Variants in VDR observed in about 807,000 individuals in gnomAD.
VDR encodes vitamin D3 receptor.
In VDR, 19 loss-of-function variants were observed where a neutral mutation model predicts 39.7. The observed-to-expected ratio is 0.48, with a 90% CI of 0.33 to 0.70. VDR has a LOEUF of 0.70. Ranked by LOEUF, VDR falls within the 30% of genes least tolerant of loss-of-function variation. The pLI is 0.02. For missense variants in VDR, 442 were observed against 570.5 expected, an observed-to-expected ratio of 0.77 and a Z score of 2.29; for synonymous variants, 242 against 215.8, an observed-to-expected ratio of 1.12 and a Z score of -1.07.
chr12:47,855,592 T>G (rs373961560), intron 7 of VDR, 38 bp downstream of exon 7: 24 of 1,612,260 alleles, frequency 1.5e-5, no homozygotes, highest in East Asian at 1.1e-4. Flanking sequence ...AGTCTAGGAC[T>G]CTGACTCTGT....
intron 3 of VDR, among the ~76,000 whole-genome samples, chr12:47,869,015 C>T (rs892172369): frequency 5.3e-5 from 8 of 152,234 alleles, no homozygotes; most frequent in South Asian, 4.1e-4. Flanking sequence ...TATCAGAGGC[C>T]CCGTCTGTCC....
intron 4 of VDR, among the ~76,000 whole-genome samples, chr12:47,862,708 T>C (rs1464300052): frequency 6.6e-6 from 1 of 152,200 alleles, no homozygotes; most frequent in Non-Finnish European, 1.5e-5. Context: ...AGACACTCAA[T>C]TGTCTCTGGG....
chr12:47,866,146 C>T (rs574790733), intron 3 of VDR, among the ~76,000 whole-genome samples: 25 of 151,138 alleles, frequency 1.7e-4, no homozygotes, highest in Non-Finnish European at 1.2e-4. Context: ...CTCGCTCTGT[C>T]GCCCAGGCTG....
At chr12:47,867,053 C>A (rs1420300693) in intron 3 of VDR, among the ~76,000 whole-genome samples, 1 of 151,514 alleles carries the variant, frequency 6.6e-6, no homozygotes, top group African/African-American at 2.4e-5. Flanking sequence ...GTGTTCTTAG[C>A]TAGAAAGGTG....
At chr12:47,879,137 C>T in intron 2 of VDR, 22 bp from the exon 3 acceptor site, 1 of 1,611,854 alleles carries the variant, frequency 6.2e-7, no homozygotes, top group Non-Finnish European at 8.5e-7. Context: ...GCAAGCAGGC[C>T]ACGGTCAGAG....
At chr12:47,857,092 G>C in intron 6 of VDR, 37 bp downstream of exon 6, 1 of 1,612,876 alleles carries the variant, frequency 6.2e-7, no homozygotes, top group East Asian at 2.2e-5. Flanking sequence ...CCTCGCCCCC[G>C]CTCCCTTACT....
intron 4 of VDR, among the ~76,000 whole-genome samples, chr12:47,862,033 C>T (rs1282435007): frequency 3.9e-5 from 6 of 152,186 alleles, no homozygotes; most frequent in Non-Finnish European, 8.8e-5. Flanking sequence ...ATTGATTCCA[C>T]ACATTTATTG....
Position 47,864,921 on chromosome 12 carries a change from C to T in VDR, c.277+126G>A, listed in dbSNP as rs796175943. 1.2e-5 allele frequency: 18 copies of T among 1,524,084 alleles called. No homozygotes were observed. In the African/African-American group the frequency reaches 1.6e-4, roughly 14 times the overall value. 94.4% of individuals were successfully genotyped at this position (1,524,084 alleles called of 1,614,324 possible). A position where few individuals can be genotyped will look rare whatever the true frequency, so the allele number is the denominator to read the frequency against. ...GCTGCTGGTCCCACTGAGGCCCTGG[C>T]CCCAGATGCTGGCAGCTACAGAGGA... is the stretch of plus-strand genomic sequence containing the variant. On this transcript the variant is annotated intron_variant, in intron 4 of 9. Transcript: ENST00000549336.
intron 7 of VDR, among the ~76,000 whole-genome samples, chr12:47,851,717 G>C (rs970694872): frequency 3.3e-5 from 5 of 152,360 alleles, no homozygotes; most frequent in Non-Finnish European, 1.5e-5. Context: ...CAGTCACAGA[G>C]AGCGTCCATA....
At chr12:47,855,864 C>T (rs1228371241) in intron 6 of VDR, 63 bp from the exon 7 acceptor site, 1 of 1,603,614 alleles carries the variant, frequency 6.2e-7, no homozygotes, top group Non-Finnish European at 8.5e-7. Flanking sequence ...CCCCTCCTGC[C>T]AGACCCTGCA....
chr12:47,878,985 G>A lies in VDR; in HGVS notation c.129C>T (p.Gly43=), dbSNP rs770982488. The change falls in exon 3 of 10, where the codon GGC becomes GGT. Residue 43 remains glycine (G), a synonymous_variant. Coordinates refer to ENST00000549336, the MANE Select transcript of VDR (RefSeq NM_000376.3). ...GFHFNAMTCE[G]CKGFFRRSMK... is the part of the protein sequence containing the mutation. ...GGGCTCACCTGAAGAAGCCTTTGCAGCCTTCACAGGTCATAGCATTGAAGT... is the reference window on the plus strand; with the variant it reads ...GGGCTCACCTGAAGAAGCCTTTGCAACCTTCACAGGTCATAGCATTGAAGT... 5 of 1,614,230 alleles carry A rather than the reference G, an allele frequency of 3.1e-6. No homozygotes were observed. Among genetic ancestry groups the A allele is most frequent in the South Asian group, 2.2e-5 (2 of 91,090 alleles).
chr12:47,900,251 C>G (rs1213306484), intron 1 of VDR, among the ~76,000 whole-genome samples: 3 of 152,174 alleles, frequency 2.0e-5, no homozygotes, highest in Non-Finnish European at 4.4e-5. Flanking sequence ...AGGCCACTGT[C>G]CCCAGAGTAA....
chr12:47,887,773 C>T (rs1170165084), intron 1 of VDR, among the ~76,000 whole-genome samples: 2 of 152,224 alleles, frequency 1.3e-5, no homozygotes, highest in Non-Finnish European at 2.9e-5. Flanking sequence ...GCCCCAGCAA[C>T]GCAGCTCTAA....
intron 7 of VDR, among the ~76,000 whole-genome samples, chr12:47,851,452 C>A (rs7971418): frequency 0.53 from 79,991 of 151,834 alleles, 21,265 homozygotes; most frequent in South Asian, 0.57. Context: ...TCTCATGCCC[C>A]CACTGGAGAC....
At chr12:47,889,891 T>G (rs1946333358) in intron 1 of VDR, among the ~76,000 whole-genome samples, 1 of 152,148 alleles carries the variant, frequency 6.6e-6, no homozygotes, top group Non-Finnish European at 1.5e-5. Flanking sequence ...CAGCTTCCAG[T>G]GTGCCTGTGT....
intron 4 of VDR, among the ~76,000 whole-genome samples, chr12:47,863,948 C>G (rs993086108): frequency 6.6e-6 from 1 of 152,172 alleles, no homozygotes; most frequent in Non-Finnish European, 1.5e-5. Flanking sequence ...ATCCTCTGTC[C>G]CTGACACATC....
At position 47,871,286 on chromosome 12, in the gene VDR, CTCTTTCTCTTTCTTTCTTTCTT is replaced by C. The variant is rs1374372331; in HGVS notation, c.147-6131_147-6110del. 5.2e-5 allele frequency among the ~76,000 whole-genome samples: 7 copies of C among 134,242 alleles called. No homozygotes were observed. The South Asian group carries it at 1.2e-3, about 23-fold the overall frequency. The allele number at this position is 134,242 out of a possible 152,430, so 88.1% of individuals were successfully genotyped here. On this transcript the variant is annotated intron_variant, in intron 3 of 9. Transcript: ENST00000549336. ...TGGTTTCTTTCTTTTCTCTTTCTTT[CTCTTTCTCTTTCTTTCTTTCTT>C]TCTTTCTTTCTTTCTTTCTTTCTTT... is the stretch of plus-strand genomic sequence containing the variant.
At chr12:47,883,818 G>A (rs1946205314) in intron 1 of VDR, among the ~76,000 whole-genome samples, 1 of 152,200 alleles carries the variant, frequency 6.6e-6, no homozygotes, top group African/African-American at 2.4e-5. Flanking sequence ...TCCAAGACCT[G>A]GGCCCGGTCC....
At chr12:47,887,964 C>T (rs920783845) in intron 1 of VDR, among the ~76,000 whole-genome samples, 1 of 152,204 alleles carries the variant, frequency 6.6e-6, no homozygotes, top group African/African-American at 2.4e-5. Flanking sequence ...CTGACACCCC[C>T]TGCAGTATCA....
Sources: allele counts gnomAD v4.1 joint callset (sites outside exome capture counted in the v4.1 genomes callset), GRCh38; gene constraint gnomAD v4.1.1; transcripts MANE v1.5; gene names NCBI Gene and HGNC (gene_info 2026-07-23, HGNC 2026-07-21).